Variants in RAB37 observed in about 807,000 individuals in gnomAD.
The protein encoded by RAB37 is RAB37, member RAS oncogene family.
Under a neutral mutation model 33.1 loss-of-function variants are expected in RAB37, and 29 were observed. The observed-to-expected ratio is 0.88, with a 90% CI of 0.65 to 1.20. The LOEUF is 1.20. Among genes scored for constraint, RAB37 ranks in the 50% most tolerant of loss-of-function variants. The pLI is 0.00. For missense variants in RAB37, 299 were observed against 301.1 expected (o/e 0.99, Z 0.05); for synonymous variants, 128 against 119.5 (o/e 1.07, Z -0.47).
chr17:74,737,210 T>TTGGGGGGGGGGGGGGGGGGGG, upstream of RAB37: 2 of 532,614 alleles, frequency 3.8e-6, no homozygotes, highest in Non-Finnish European at 3.1e-6. Flanking sequence ...GGGGCGGGGG[T>TTGGGGGGGGGGGGGGGGGGGG]GGGGCCGTTC....
rs535139923 is a variant in RAB37, at chr17:74,743,801, C to T, written c.366+461C>T. 2.0e-5 allele frequency among the ~76,000 whole-genome samples: 3 copies of T among 152,260 alleles called. 1 individual carries two copies. Among genetic ancestry groups the T allele is most frequent in the African/African-American group, 7.2e-5 (3 of 41,554 alleles). On this transcript the variant is annotated intron_variant, in intron 5 of 8. Transcript: ENST00000392613. Reference sequence around the variant, plus strand: ...TAAATTCAAGCACCAATTTTGTTCACGACATTGTATAGGTTTCATGAATCC... The same window carrying T: ...TAAATTCAAGCACCAATTTTGTTCATGACATTGTATAGGTTTCATGAATCC...
chr17:74,698,684 A>G, intron 1 of RAB37: 2 of 1,319,658 alleles, frequency 1.5e-6, no homozygotes. Flanking sequence ...GGAATGGAAC[A>G]AGAGACACCA....
chr17:74,684,029 T>A (rs1334040269), intron 1 of RAB37, among the ~76,000 whole-genome samples: 1 of 152,134 alleles, frequency 6.6e-6, no homozygotes, highest in African/African-American at 2.4e-5. Flanking sequence ...CTGAGCATTG[T>A]GCTGAAAAAA....
intron 1 of RAB37, among the ~76,000 whole-genome samples, chr17:74,703,793 G>A (rs925445955): frequency 2.6e-5 from 4 of 152,206 alleles, no homozygotes; most frequent in Non-Finnish European, 5.9e-5. Flanking sequence ...TCTTCTGAGG[G>A]ACAGCAGAAC....
intron 1 of RAB37, among the ~76,000 whole-genome samples, chr17:74,727,256 T>G (rs1412028357): frequency 6.6e-6 from 1 of 152,222 alleles, no homozygotes; most frequent in African/African-American, 2.4e-5. Context: ...CTATGGACAT[T>G]GTGTTAGTCC....
At chr17:74,678,216 C>T (rs890556550) in intron 1 of RAB37, among the ~76,000 whole-genome samples, 6 of 152,186 alleles carry the variant, frequency 3.9e-5, no homozygotes, top group Non-Finnish European at 5.9e-5. Context: ...TAGTTCCCAG[C>T]TGGGAGTGGC....
intron 1 of RAB37, among the ~76,000 whole-genome samples, chr17:74,692,343 C>T (rs145364658): frequency 1.2e-4 from 18 of 152,242 alleles, no homozygotes; most frequent in African/African-American, 4.3e-4. Context: ...AATAGTCAAG[C>T]TTGCTTGGGC....
At chr17:74,696,299 T>C (rs1357398040) in intron 1 of RAB37, 2 of 1,459,284 alleles carry the variant, frequency 1.4e-6, no homozygotes, top group Non-Finnish European at 1.8e-6. Flanking sequence ...AAGAGAAATA[T>C]GGAAGAAAAG....
chr17:74,672,376 CT>C (rs1271767115), intron 1 of RAB37, among the ~76,000 whole-genome samples: 4 of 152,188 alleles, frequency 2.6e-5, no homozygotes, highest in Non-Finnish European at 5.9e-5. Context: ...GCTCACCTTC[CT>C]TTTCTCTGAC....
intron 1 of RAB37, among the ~76,000 whole-genome samples, chr17:74,711,038 C>CA (rs555083858): frequency 4.6e-4 from 69 of 151,292 alleles, no homozygotes; most frequent in Non-Finnish European, 8.0e-4. Flanking sequence ...GACCCCAACT[C>CA]AAAAAAAATA....
In RAB37 at chr17:74,745,260, CCCCAGCCCAGCCCAG is replaced by C. The variant is rs372786583; in HGVS notation, c.567-31_567-17del. 1.9e-6 allele frequency: 3 copies of C among 1,583,844 alleles called. No individual in the cohort carries two copies. The South Asian group carries it at 3.3e-5, about 18-fold the overall frequency. ...GGGGAGGGGGCGGCTCAGCTCCTCA[CCCCAGCCCAGCCCAG>C]CCCAGCCCAGCCCATTGTCTCTTCT... is the stretch of plus-strand genomic sequence containing the variant. On this transcript the variant is annotated intron_variant, in intron 8 of 8. Transcript: ENST00000392613. This position sits in a 1 kb window ranked among gnomAD's most constrained non-coding sequence, Gnocchi z 4.5.
chr17:74,732,961 T>G (rs924559823), upstream of RAB37, among the ~76,000 whole-genome samples: 3 of 150,172 alleles, frequency 2.0e-5, no homozygotes, highest in Admixed American at 2.0e-4. Context: ...AGGGTAGGGG[T>G]GTCTATTTGG....
At chr17:74,702,131 T>C (rs1285808930) in intron 1 of RAB37, among the ~76,000 whole-genome samples, 1 of 150,970 alleles carries the variant, frequency 6.6e-6, no homozygotes, top group Non-Finnish European at 1.5e-5. Context: ...GGACCTCCCA[T>C]AGGGATTTTG....
At chr17:74,725,237 G>A (rs1401480140) in intron 1 of RAB37, among the ~76,000 whole-genome samples, 1 of 151,598 alleles carries the variant, frequency 6.6e-6, no homozygotes, top group Non-Finnish European at 1.5e-5. Flanking sequence ...CCCACCCTTG[G>A]GCACCCCAAC....
intron 1 of RAB37, among the ~76,000 whole-genome samples, chr17:74,685,206 A>G (rs1203146694): frequency 6.6e-6 from 1 of 151,686 alleles, no homozygotes; most frequent in East Asian, 1.9e-4. Flanking sequence ...TTGTTTTGAT[A>G]TGGAGTCTTG....
Position 74,737,306 on chromosome 17 carries a change from G to T in RAB37, c.34G>T (p.Asp12Tyr). ...CACGCCAGGCGCCGTTGCCACCCGG[G>T]ATGGCGAGGCCCCCGAGCGCTCCCC... is the stretch of plus-strand genomic sequence containing the variant. ...TGTPGAVATRDGEAPERSPPC... is the reference protein window; with the variant it reads ...TGTPGAVATRYGEAPERSPPC... Residue 12 changes from aspartate to tyrosine, a missense_variant, in exon 1 of 9, where the codon GAT (aspartate) becomes TAT (tyrosine). Coordinates refer to ENST00000392613, the MANE Select transcript of RAB37 (RefSeq NM_001006638.3). 3 of 1,577,230 alleles carry T rather than the reference G, an allele frequency of 1.9e-6. No individual in the cohort carries two copies. The highest frequency in any genetic ancestry group is 2.6e-6 in the Non-Finnish European group (3 of 1,168,894).
At chr17:74,728,315 G>A (rs901701201) in intron 1 of RAB37, among the ~76,000 whole-genome samples, 7 of 151,916 alleles carry the variant, frequency 4.6e-5, no homozygotes, top group Non-Finnish European at 7.4e-5. Flanking sequence ...GTGTGTGTTT[G>A]TGTGTACATG....
chr17:74,737,969 G>T (rs1277031381), intron 1 of RAB37, among the ~76,000 whole-genome samples: 1 of 152,180 alleles, frequency 6.6e-6, no homozygotes, highest in Non-Finnish European at 1.5e-5. Context: ...ACCTGAGAAA[G>T]ATTTCAGTGG....
In RAB37 at chr17:74,730,045, T is replaced by G. The variant is rs2034365755; in HGVS notation, c.183+679T>G. Among the ~76,000 whole-genome samples the G allele has an allele frequency of 6.6e-6, 1 of 152,136 alleles. No individual in the cohort carries two copies. Among genetic ancestry groups the G allele is most frequent in the Admixed American group, 6.5e-5 (1 of 15,276 alleles). ...CGGCTTTTTCTGCCCGCAGCCCCTCTGCGAGACAAGGGATCCCTCCTTTAC... is the reference window on the plus strand; with the variant it reads ...CGGCTTTTTCTGCCCGCAGCCCCTCGGCGAGACAAGGGATCCCTCCTTTAC... On this transcript the variant is annotated intron_variant, in intron 2 of 7. Transcript: ENST00000340415. The surrounding 1 kb of genome is among the most constrained non-coding windows in gnomAD (Gnocchi z 4.4).
Sources: gnomAD v4.1 joint callset for allele counts (sites outside exome capture counted in the v4.1 genomes callset) on GRCh38, gnomAD v4.1.1 for gene constraint, Gnocchi (gnomAD v3.1) non-coding constraint, MANE v1.5 for transcripts, NCBI Gene and HGNC (gene_info 2026-07-23, HGNC 2026-07-21) for gene names.